SNX29: variants seen among roughly 807,000 people sequenced by gnomAD.
SNX29 encodes sorting nexin-29.
In SNX29, 78 loss-of-function variants were observed where a neutral mutation model predicts 102.1. The ratio of observed to expected loss-of-function variants is 0.76; its 90% CI spans 0.64 to 0.92. SNX29 has a LOEUF of 0.92. Among genes scored for constraint, SNX29 ranks in the 40% least tolerant of loss-of-function variants. SNX29 has a pLI of 0.00. For synonymous variants in SNX29, 580 were observed against 414.5 expected, an observed-to-expected ratio of 1.40 and a Z score of -4.85; for missense variants, 1,280 against 1,061.7, an observed-to-expected ratio of 1.21 and a Z score of -2.86.
intron 15 of SNX29, among the ~76,000 whole-genome samples, chr16:12,302,888 C>T (rs949597516): frequency 1.3e-5 from 2 of 152,182 alleles, no homozygotes; most frequent in African/African-American, 4.8e-5. Context: ...AATCTTGGCT[C>T]TTGAGGAGCT....
At chr16:12,221,510 A>G (rs886311273) in intron 14 of SNX29, among the ~76,000 whole-genome samples, 2 of 152,200 alleles carry the variant, frequency 1.3e-5, no homozygotes, top group Admixed American at 1.3e-4. Context: ...GCTACTTGGG[A>G]GGCTGAGGCA....
chr16:12,206,681 C>T (rs572783129), intron 14 of SNX29, among the ~76,000 whole-genome samples: 20 of 152,134 alleles, frequency 1.3e-4, no homozygotes, highest in South Asian at 6.2e-4. Context: ...CTCACTGTCC[C>T]GTCTTTCCAT....
intron 15 of SNX29, among the ~76,000 whole-genome samples, chr16:12,345,775 C>T (rs117845123): frequency 2.0e-4 from 31 of 152,304 alleles, no homozygotes; most frequent in African/African-American, 6.0e-4. Flanking sequence ...CCATCCATGT[C>T]GGTCCTTCTC....
At chr16:11,982,787 T>C (rs1303046313) in intron 1 of SNX29, among the ~76,000 whole-genome samples, 2 of 152,128 alleles carry the variant, frequency 1.3e-5, no homozygotes, top group Admixed American at 1.3e-4. Context: ...GCCAGGCCCA[T>C]AGTGATCAAA....
Position 12,572,873 on chromosome 16 carries a change from T to C in SNX29, c.*4244T>C, listed in dbSNP as rs932583158. ...GTTTCAGCCCTAAAGGTAATGATTG[T>C]CTTGACTCTGCCTTGGCATTTCGCT... On this transcript the variant is annotated 3_prime_UTR_variant, in exon 21 of 21. Transcript: ENST00000566228. 80 of 1,061,842 alleles carry C rather than the reference T, an allele frequency of 7.5e-5. No homozygotes were observed. The highest frequency in any genetic ancestry group is 9.0e-5 in the Non-Finnish European group (79 of 876,554). 65.8% of individuals were successfully genotyped at this position (1,061,842 alleles called of 1,614,324 possible).
At chr16:12,341,325 A>T (rs532176631) in intron 15 of SNX29, among the ~76,000 whole-genome samples, 22 of 152,306 alleles carry the variant, frequency 1.4e-4, no homozygotes, top group Non-Finnish European at 2.8e-4. Flanking sequence ...TCTTGGGTAA[A>T]AGGATATCAT....
chr16:12,401,330 A>G (rs77512808), intron 17 of SNX29, among the ~76,000 whole-genome samples: 1,961 of 150,698 alleles, frequency 0.013, 46 homozygotes, highest in African/African-American at 0.045. Flanking sequence ...AATCATCCAA[A>G]GTATCTTCCT....
In SNX29 at chr16:12,356,184, C is replaced by G; in HGVS notation, c.1804C>G (p.Leu602Val). 6.2e-7 allele frequency: 1 copy of G among 1,613,076 alleles called. No individual in the cohort carries two copies. The highest frequency in any genetic ancestry group is 8.5e-7 in the Non-Finnish European group (1 of 1,179,662). ...CCAGGTGGCAGAGATGCATGGCGAG[C>G]TGATTGAGTTCAACGAGCGCCTGCA... The part of the protein sequence containing the change: ...LIEVAEMHGE[L>V]IEFNERLHRA... Residue 602 changes from leucine (L) to valine (V), a missense_variant, in exon 16 of 21, where the codon CTG becomes GTG. Coordinates refer to ENST00000566228, the MANE Select transcript of SNX29 (RefSeq NM_032167.5).
chr16:12,173,599 A>G (rs549992821), intron 13 of SNX29, among the ~76,000 whole-genome samples: 180 of 152,254 alleles, frequency 1.2e-3, no homozygotes, highest in Non-Finnish European at 1.9e-3. Context: ...CTACGTCCCA[A>G]TCAGGAGAAG....
chr16:12,200,642 C>A (rs1448259546), intron 14 of SNX29, among the ~76,000 whole-genome samples: 1 of 152,100 alleles, frequency 6.6e-6, no homozygotes, highest in Non-Finnish European at 1.5e-5. Flanking sequence ...GCCACCATGC[C>A]CAGCTAATTT....
At chr16:12,282,952 C>T (rs184899758) in intron 15 of SNX29, among the ~76,000 whole-genome samples, 9 of 152,230 alleles carry the variant, frequency 5.9e-5, no homozygotes, top group Non-Finnish European at 1.2e-4. Context: ...CCACTGCACT[C>T]GGCCCACAGT....
In SNX29 at chr16:12,572,414, C is replaced by G. The variant is rs780942330; in HGVS notation, c.*3785C>G. 2.0e-4 allele frequency: 210 copies of G among 1,063,592 alleles called. No individual in the cohort carries two copies. The highest frequency in any genetic ancestry group is 2.2e-4 in the Non-Finnish European group (195 of 878,276). The allele number at this position is 1,063,592 out of a possible 1,614,324, so 65.9% of individuals were successfully genotyped here. On this transcript the variant is annotated 3_prime_UTR_variant, in exon 21 of 21. Transcript: ENST00000566228. Reference sequence around the variant, plus strand: ...AACAGCCTGAGGCAGGGCTCTGTGGCCCAGGCCGGCAGTGGCTGCCTCTCT... The same window carrying G: ...AACAGCCTGAGGCAGGGCTCTGTGGGCCAGGCCGGCAGTGGCTGCCTCTCT...
chr16:12,045,610 A>ATATTATTATCATTAT, intron 5 of SNX29, among the ~76,000 whole-genome samples: 1 of 127,294 alleles, frequency 7.9e-6, no homozygotes, highest in Non-Finnish European at 1.7e-5. Context: ...GGCAGGCATT[A>ATATTATTATCATTAT]TATTATTATT....
intron 20 of SNX29, among the ~76,000 whole-genome samples, chr16:12,543,195 A>T (rs2077422447): frequency 6.6e-6 from 1 of 152,226 alleles, no homozygotes; most frequent in Admixed American, 6.5e-5. Flanking sequence ...AGGAAAAATC[A>T]TATTCATCAC....
intron 18 of SNX29, among the ~76,000 whole-genome samples, chr16:12,464,735 C>G (rs561430600): frequency 6.6e-6 from 1 of 152,278 alleles, no homozygotes; most frequent in African/African-American, 2.4e-5. Flanking sequence ...GATTATAGGC[C>G]TGAGCCATCA....
chr16:12,497,147 C>G (rs1313335007), intron 19 of SNX29, among the ~76,000 whole-genome samples: 1 of 152,228 alleles, frequency 6.6e-6, no homozygotes, highest in Non-Finnish European at 1.5e-5. Flanking sequence ...AACAAGGGCT[C>G]TGGGGAGGAC....
intron 1 of SNX29, among the ~76,000 whole-genome samples, chr16:11,987,596 C>G (rs561603041): frequency 1.3e-4 from 20 of 152,110 alleles, no homozygotes; most frequent in Admixed American, 9.8e-4. Context: ...GGGGTTTCAC[C>G]ATGTTGGCCA....
intron 18 of SNX29, among the ~76,000 whole-genome samples, chr16:12,409,146 C>G (rs897866533): frequency 1.3e-5 from 2 of 152,204 alleles, no homozygotes; most frequent in African/African-American, 4.8e-5. Context: ...ACACGGTAGG[C>G]TGTGCTGATG....
intron 14 of SNX29, among the ~76,000 whole-genome samples, chr16:12,269,759 T>G (rs528744845): frequency 1.3e-5 from 2 of 152,340 alleles, no homozygotes; most frequent in Admixed American, 1.3e-4. Context: ...TCGACATGAA[T>G]AGAGAAGTAT....
Sources: allele counts gnomAD v4.1 joint callset (sites outside exome capture counted in the v4.1 genomes callset), GRCh38; gene constraint gnomAD v4.1.1; transcripts MANE v1.5; gene names NCBI Gene and HGNC (gene_info 2026-07-23, HGNC 2026-07-21).